The following SPOCK3 variants were observed in gnomAD, a reference collection of about 807,000 sequenced individuals.
The protein encoded by SPOCK3 is SPARC (osteonectin), cwcv and kazal like domains proteoglycan 3, also known as testican-3.
A neutral mutation model predicts 56.6 loss-of-function variants in SPOCK3; 30 were observed. That is an observed-to-expected ratio of 0.53 (90% CI 0.40 to 0.72). SPOCK3 has a LOEUF of 0.72. SPOCK3 is among the 30% of genes least tolerant of loss of function. The probability of loss-of-function intolerance (pLI) is 0.00; values close to 1 mark genes in which losing one functional copy is unlikely to be tolerated. For missense variants in SPOCK3, 527 were observed against 530.0 expected, an observed-to-expected ratio of 0.99 and a Z score of 0.06; for synonymous variants, 196 against 183.3, an observed-to-expected ratio of 1.07 and a Z score of -0.56.
At chr4:166,972,936 A>C (rs1202681389) in intron 4 of SPOCK3, among the ~76,000 whole-genome samples, 1 of 152,184 alleles carries the variant, frequency 6.6e-6, no homozygotes, top group Non-Finnish European at 1.5e-5. Context: ...TGCCTTTCTC[A>C]TTTTAAACTA....
chr4:167,136,710 T>G (rs1025518393), intron 2 of SPOCK3, among the ~76,000 whole-genome samples: 1 of 152,250 alleles, frequency 6.6e-6, no homozygotes, highest in Middle Eastern at 3.4e-3. Flanking sequence ...TTATAATTTT[T>G]TAAAATACCA....
chr4:167,014,108 T>G (rs573892251), intron 3 of SPOCK3, among the ~76,000 whole-genome samples: 2 of 152,284 alleles, frequency 1.3e-5, no homozygotes, highest in African/African-American at 4.8e-5. Flanking sequence ...TCTTGTAACG[T>G]GCCCTGCACT....
chr4:167,198,188 A>G (rs1454904033), intron 2 of SPOCK3, among the ~76,000 whole-genome samples: 2 of 152,184 alleles, frequency 1.3e-5, no homozygotes, highest in African/African-American at 4.8e-5. Context: ...AAATGGAGCT[A>G]CGATGAATGA....
intron 6 of SPOCK3, among the ~76,000 whole-genome samples, chr4:166,794,000 G>T (rs1116979): frequency 1.3e-5 from 2 of 151,962 alleles, no homozygotes; most frequent in Non-Finnish European, 2.9e-5. Context: ...TTTATAGGAA[G>T]CTGGTGAAGG....
intron 6 of SPOCK3, among the ~76,000 whole-genome samples, chr4:166,830,888 T>G (rs1745974549): frequency 6.6e-6 from 1 of 152,206 alleles, no homozygotes; most frequent in Admixed American, 6.5e-5. Flanking sequence ...TATTTAATTC[T>G]TTTGTAATTT....
rs147784994 is a variant in SPOCK3, at chr4:166,790,472, T to C, written c.709+1698A>G. Among the ~76,000 whole-genome samples, 405 of 152,268 alleles carry C rather than the reference T, an allele frequency of 2.7e-3. 3 individuals are homozygous for C. Among genetic ancestry groups the C allele is most frequent in the African/African-American group, 9.1e-3 (378 of 41,566 alleles). ...GCCTATTCTAATGGATAACTTCCCT[T>C]TGGAAATTTTTTTCTAGCTGGTCTC... On this transcript the variant is annotated intron_variant, in intron 7 of 10. Coordinates refer to ENST00000357545, the MANE Select transcript of SPOCK3 (RefSeq NM_001040159.2).
intron 2 of SPOCK3, among the ~76,000 whole-genome samples, chr4:167,108,617 C>A (rs545351355): frequency 1.7e-4 from 25 of 151,186 alleles, no homozygotes; most frequent in Non-Finnish European, 3.5e-4. Context: ...AACAATTGAA[C>A]TATGGAAAGA....
At chr4:166,747,026 T>G (rs942876640) in intron 8 of SPOCK3, among the ~76,000 whole-genome samples, 1 of 152,152 alleles carries the variant, frequency 6.6e-6, no homozygotes, top group African/African-American at 2.4e-5. Flanking sequence ...CAGGACCAGA[T>G]GGATTCACAG....
At chr4:167,196,481 G>C (rs1281756946) in intron 2 of SPOCK3, among the ~76,000 whole-genome samples, 1 of 151,972 alleles carries the variant, frequency 6.6e-6, no homozygotes, top group Non-Finnish European at 1.5e-5. Context: ...CTGTAATCAA[G>C]GTGTCAACCA....
chr4:166,949,911 G>T (rs1742309228), intron 4 of SPOCK3, among the ~76,000 whole-genome samples: 1 of 151,242 alleles, frequency 6.6e-6, no homozygotes, highest in Non-Finnish European at 1.5e-5. Context: ...CACCAGGCCT[G>T]CCCTAAAAGA....
intron 3 of SPOCK3, among the ~76,000 whole-genome samples, chr4:167,012,034 T>C (rs1369144750): frequency 6.6e-6 from 1 of 151,958 alleles, no homozygotes; most frequent in Non-Finnish European, 1.5e-5. Flanking sequence ...TTGAGTGACA[T>C]TTTTCAAGGT....
intron 3 of SPOCK3, 150 bp from the exon 4 acceptor site, chr4:167,000,613 C>A: frequency 1.9e-6 from 1 of 533,482 alleles, no homozygotes; most frequent in Admixed American, 3.7e-5. Flanking sequence ...ACTTCTGCTT[C>A]TACCCACATA....
intron 6 of SPOCK3, among the ~76,000 whole-genome samples, chr4:166,800,579 C>CA (rs1300512069): frequency 1.3e-5 from 2 of 150,794 alleles, no homozygotes; most frequent in Admixed American, 6.6e-5. Context: ...TCAGGTTTAT[C>CA]AAAAAAATGT....
chr4:166,831,592 C>G (rs1746061893), intron 6 of SPOCK3, among the ~76,000 whole-genome samples: 2 of 151,766 alleles, frequency 1.3e-5, no homozygotes, highest in Admixed American at 6.6e-5. Context: ...ATTAGTTGTT[C>G]ACAACATACT....
rs76556554 is a variant in SPOCK3, at chr4:166,816,899, C to T, written c.590-24610G>A. Among the ~76,000 whole-genome samples, 18 of 152,020 alleles carry T rather than the reference C, an allele frequency of 1.2e-4. 1 individual carries two copies. The East Asian group carries it at 3.5e-3, about 30-fold the overall frequency. On this transcript the variant is annotated intron_variant, in intron 6 of 10. Transcript: ENST00000357545. ...CAGTGCAATGGGAGGGGTTTGATGC[C>T]CTTTTATCTTAACTTTGTACTGGGT...
At chr4:166,913,731 C>A (rs1579628636) in intron 4 of SPOCK3, among the ~76,000 whole-genome samples, 1 of 152,114 alleles carries the variant, frequency 6.6e-6, no homozygotes, top group Non-Finnish European at 1.5e-5. Flanking sequence ...CTATGTGTTT[C>A]AAATTTTGCC....
chr4:167,142,302 G>T (rs989376477), intron 2 of SPOCK3, among the ~76,000 whole-genome samples: 1 of 151,846 alleles, frequency 6.6e-6, no homozygotes, highest in Non-Finnish European at 1.5e-5. Flanking sequence ...GAGAACCCAG[G>T]CTGGCAACCA....
intron 2 of SPOCK3, among the ~76,000 whole-genome samples, chr4:167,131,634 A>C (rs1762707340): frequency 6.6e-6 from 1 of 152,032 alleles, no homozygotes. Context: ...AACAACAACA[A>C]CAAAAACCTG....
chr4:166,765,765 A>G (rs980323310), intron 7 of SPOCK3, among the ~76,000 whole-genome samples: 31 of 152,144 alleles, frequency 2.0e-4, no homozygotes, highest in Non-Finnish European at 4.1e-4. Flanking sequence ...TGAATCTATA[A>G]ATTACCTTGG....
Sources: gnomAD v4.1 joint callset for allele counts (sites outside exome capture counted in the v4.1 genomes callset) on GRCh38, gnomAD v4.1.1 for gene constraint, MANE v1.5 for transcripts, NCBI Gene and HGNC (gene_info 2026-07-23, HGNC 2026-07-21) for gene names.